The following PKD1L3 variants were observed in gnomAD, a reference collection of about 807,000 sequenced individuals.
PKD1L3 encodes polycystin 1 like 3, transient receptor potential channel interacting, also known as polycystin-1-like protein 3.
PKD1L3 carries 239 observed loss-of-function variants against 184.1 expected under a neutral mutation model. The observed-to-expected ratio is 1.30, with a 90% CI of 1.17 to 1.45. PKD1L3 has a LOEUF of 1.45. Among genes scored for constraint, PKD1L3 ranks in the 40% most tolerant of loss-of-function variants. The pLI is 0.00. For missense variants in PKD1L3, 2,660 were observed against 2,067.2 expected, an observed-to-expected ratio of 1.29 and a Z score of -5.56; for synonymous variants, 996 against 778.8, an observed-to-expected ratio of 1.28 and a Z score of -4.64.
At chr16:71,954,460 T>C (rs533826729) in intron 16 of PKD1L3, among the ~76,000 whole-genome samples, 159 bp from the exon 17 acceptor site, 1 of 152,364 alleles carries the variant, frequency 6.6e-6, no homozygotes, top group Non-Finnish European at 1.5e-5. Context: ...TCTTTTTTTA[T>C]TTTAAATTCT....
At chr16:71,989,372 C>T (rs1244222899) in intron 4 of PKD1L3, among the ~76,000 whole-genome samples, 1 of 152,220 alleles carries the variant, frequency 6.6e-6, no homozygotes, top group Non-Finnish European at 1.5e-5. Flanking sequence ...AGGCTGGTCT[C>T]GAACTCCCGA....
At chr16:71,996,614 A>T (rs1179908520) in intron 2 of PKD1L3, among the ~76,000 whole-genome samples, 2 of 152,120 alleles carry the variant, frequency 1.3e-5, no homozygotes, top group Non-Finnish European at 2.9e-5. Flanking sequence ...TGCCCTTCTT[A>T]GACCCCGACA....
At chr16:71,936,400 G>A (rs977705726) in intron 25 of PKD1L3, among the ~76,000 whole-genome samples, 8 of 151,224 alleles carry the variant, frequency 5.3e-5, no homozygotes, top group Non-Finnish European at 1.0e-4. Context: ...ACAGGGTTTC[G>A]CCATGTTGGC....
intron 25 of PKD1L3, among the ~76,000 whole-genome samples, chr16:71,937,078 C>T (rs2038205725): frequency 6.6e-6 from 1 of 152,008 alleles, no homozygotes; most frequent in South Asian, 2.1e-4. Context: ...ATTTTTGAGA[C>T]AGGGTCTTGC....
At chr16:71,947,651 C>G (rs895571124) in intron 21 of PKD1L3, 60 bp from the exon 22 acceptor site, 2 of 1,166,168 alleles carry the variant, frequency 1.7e-6, no homozygotes, top group Non-Finnish European at 1.2e-6. Flanking sequence ...AAGATAATAC[C>G]GTATGTAAAG....
rs911705114 is a variant in PKD1L3, at chr16:71,942,555, G to C, written c.4324+5C>G. Reference sequence around the variant, plus strand: ...TGGTTGAATTCCAGGGGTCACTCCAGTTACCTCTCATGATGTAACTGAATC... The same window carrying C: ...TGGTTGAATTCCAGGGGTCACTCCACTTACCTCTCATGATGTAACTGAATC... On this transcript the variant is annotated splice_donor_5th_base_variant and intron_variant, in intron 24 of 29. Transcript: ENST00000620267. 2 of 1,548,634 alleles carry C rather than the reference G, an allele frequency of 1.3e-6. No homozygotes were observed. The highest frequency in any genetic ancestry group is 1.7e-6 in the Non-Finnish European group (2 of 1,144,656).
Position 71,967,312 on chromosome 16 carries a change from C to T in PKD1L3, c.2290G>A (p.Val764Ile). The change falls in exon 15 of 30, where the codon GTC (valine) becomes ATC (isoleucine). Residue 764 changes from valine (V) to isoleucine (I), a missense_variant. Physicochemically the swap from Val to Ile is conservative, Grantham distance 29. Coordinates refer to ENST00000620267, the MANE Select transcript of PKD1L3 (RefSeq NM_181536.2). ...CCCTCTGATCCATAGAGGGTGATGA[C>T]AACCTACAATGAGACAGGGAAAGAT... The part of the protein sequence containing the change: ...RRSAATTAKV[V>I]ITLYGSEGRS... The T allele has an allele frequency of 6.5e-7, 1 of 1,550,146 alleles. No homozygotes were observed. Among genetic ancestry groups the T allele is most frequent in the Non-Finnish European group, 8.7e-7 (1 of 1,146,326 alleles).
chr16:71,989,369 T>A (rs532569149), intron 4 of PKD1L3, among the ~76,000 whole-genome samples: 1 of 152,314 alleles, frequency 6.6e-6, no homozygotes, highest in Non-Finnish European at 1.5e-5. Flanking sequence ...GCCAGGCTGG[T>A]CTCGAACTCC....
Position 71,999,941 on chromosome 16 carries a change from A to T in PKD1L3, c.38T>A (p.Ile13Asn). The change falls in exon 1 of 30, where the codon ATC (isoleucine) becomes AAC (asparagine). Residue 13 changes from isoleucine to asparagine, a missense_variant. Physicochemically the swap from Ile to Asn is moderately radical, Grantham distance 149. Coordinates refer to ENST00000620267, the MANE Select transcript of PKD1L3 (RefSeq NM_181536.2). ...FKGGSWLWLY[I>N]RTSIILGSEL... ...ACTTCCTAGAATAATACTTGTTCTGATGTATAACCAAAGCCAGCTTCCTCC... is the reference window on the plus strand; with the variant it reads ...ACTTCCTAGAATAATACTTGTTCTGTTGTATAACCAAAGCCAGCTTCCTCC... The T allele has an allele frequency of 6.5e-7, 1 of 1,535,430 alleles. No homozygotes were observed. Among genetic ancestry groups the T allele is most frequent in the Non-Finnish European group, 8.8e-7 (1 of 1,135,072 alleles).
chr16:71,948,803 T>TACAAA (rs2038718020), intron 21 of PKD1L3, among the ~76,000 whole-genome samples: 2 of 81,206 alleles, frequency 2.5e-5, no homozygotes, highest in African/African-American at 9.4e-5. Context: ...TTACATATAG[T>TACAAA]AAAAAAAAAA....
At chr16:71,955,042 G>GGA (rs1555517604) in intron 16 of PKD1L3, among the ~76,000 whole-genome samples, 4 of 151,912 alleles carry the variant, frequency 2.6e-5, no homozygotes, top group African/African-American at 9.7e-5. Flanking sequence ...AAGGAGGTGA[G>GGA]AAAAAAAGGA....
rs1567486612 is a variant in PKD1L3, at chr16:71,934,078, TGA to T, written c.4659_4660del (p.His1554ProfsTer20). 1 of 1,551,870 alleles carries T rather than the reference TGA, an allele frequency of 6.4e-7. No homozygotes were observed. Among genetic ancestry groups the T allele is most frequent in the Non-Finnish European group, 8.7e-7 (1 of 1,147,046 alleles). On this transcript the variant is annotated frameshift_variant, in exon 27 of 30. Coordinates refer to ENST00000620267, the MANE Select transcript of PKD1L3 (RefSeq NM_181536.2). LOFTEE classifies it high-confidence loss of function. ...CAGGAGAACCGGGAAGCCCACAAGG[TGA>T]GTCGCAGCAGAGTTCACTTTTACTG...
chr16:71,950,150 T>A lies in PKD1L3; in HGVS notation c.3351A>T (p.Thr1117=). 1.3e-6 allele frequency: 2 copies of A among 1,552,216 alleles called. No individual in the cohort carries two copies. The highest frequency in any genetic ancestry group is 1.7e-6 in the Non-Finnish European group (2 of 1,147,100). ...QLQKLQELLE[T]HILPTEQEPS... ...GCTCTTGCTCCGTGGGAAGAATATG[T>A]GTTTCCAAGAGTTCCTGGAGTTTTT... The change falls in exon 20 of 30, where the codon ACA becomes ACT. Residue 1117 remains threonine (T), a synonymous_variant. Coordinates refer to ENST00000620267, the MANE Select transcript of PKD1L3 (RefSeq NM_181536.2).
intron 13 of PKD1L3, among the ~76,000 whole-genome samples, 185 bp downstream of exon 13, chr16:71,969,690 G>T (rs1192281613): frequency 8.3e-6 from 1 of 120,064 alleles, no homozygotes; most frequent in South Asian, 2.5e-4. Context: ...AAAAAAAATA[G>T]AGAGAAAAAG....
chr16:71,937,440 C>T, intron 24 of PKD1L3, 21 bp from the exon 25 acceptor site: 1 of 1,548,386 alleles, frequency 6.5e-7, no homozygotes, highest in Non-Finnish European at 8.7e-7. Context: ...CAAAGAACAC[C>T]TGGAGTCAAG....
intron 22 of PKD1L3, among the ~76,000 whole-genome samples, chr16:71,944,687 C>T (rs1473744160): frequency 6.9e-6 from 1 of 145,762 alleles, no homozygotes; most frequent in Non-Finnish European, 1.5e-5. Flanking sequence ...ATAGCAAGAC[C>T]ATATCTGTTT....
intron 12 of PKD1L3, among the ~76,000 whole-genome samples, chr16:71,972,398 C>G (rs1277699589): frequency 6.6e-6 from 1 of 151,102 alleles, no homozygotes; most frequent in Non-Finnish European, 1.5e-5. Context: ...GAAACTCCCT[C>G]TATAAGTAAT....
Position 71,998,330 on chromosome 16 carries a change from A to T in PKD1L3, c.360T>A (p.Ile120=). 1 of 1,552,118 alleles carries T rather than the reference A, an allele frequency of 6.4e-7. No individual in the cohort carries two copies. The highest frequency in any genetic ancestry group is 1.2e-5 in the South Asian group (1 of 84,068). The stretch of plus-strand genomic sequence containing the variant: ...ACTTGTCCCCTTTGGATGAGATCCG[A>T]ATGAAGTTTCTGGACAGGTAGGTGC... The part of the protein sequence containing the change: ...LSCTYLSRNF[I]RISSKGDKCL... The change falls in exon 2 of 30, where the codon ATT becomes ATA. Residue 120 remains isoleucine (I), a synonymous_variant. Transcript: ENST00000620267.
chr16:71,999,966 C>T lies in PKD1L3; in HGVS notation c.13G>A (p.Gly5Arg). 1 of 1,520,282 alleles carries T rather than the reference C, an allele frequency of 6.6e-7. No homozygotes were observed. The highest frequency in any genetic ancestry group is 1.3e-5 in the South Asian group (1 of 79,878). 94.2% of individuals were successfully genotyped at this position (1,520,282 alleles called of 1,614,324 possible). The change falls in exon 1 of 30, where the codon GGA becomes AGA. Residue 5 changes from glycine (G) to arginine (R), a missense_variant. Coordinates refer to ENST00000620267, the MANE Select transcript of PKD1L3 (RefSeq NM_181536.2). MFFK[G>R]GSWLWLYIRT... ...ATGTATAACCAAAGCCAGCTTCCTC[C>T]TTTGAAGAACATTTTCTCTGAATTG...
Sources: allele counts gnomAD v4.1 joint callset (sites outside exome capture counted in the v4.1 genomes callset), GRCh38; gene constraint gnomAD v4.1.1; transcripts MANE v1.5; gene names NCBI Gene and HGNC (gene_info 2026-07-23, HGNC 2026-07-21).